Variants in SPATA16 observed in about 807,000 individuals in gnomAD.
The protein encoded by SPATA16 is spermatogenesis associated 16.
SPATA16 carries 36 observed loss-of-function variants against 63.3 expected under a neutral mutation model. The ratio of observed to expected loss-of-function variants is 0.57; its 90% CI spans 0.44 to 0.75. The LOEUF (loss-of-function observed/expected upper bound fraction) is 0.75. SPATA16 is among the 30% of genes least tolerant of loss of function. SPATA16 has a pLI of 0.00. For missense variants in SPATA16, 646 were observed against 679.3 expected, an observed-to-expected ratio of 0.95 and a Z score of 0.54; for synonymous variants, 203 against 216.7, an observed-to-expected ratio of 0.94 and a Z score of 0.56.
At chr3:172,965,555 C>G (rs957272172) in intron 5 of SPATA16, among the ~76,000 whole-genome samples, 1 of 152,080 alleles carries the variant, frequency 6.6e-6, no homozygotes, top group South Asian at 2.1e-4. Context: ...CTGGTCTTCT[C>G]TTGCCTCCCC....
At chr3:172,941,133 A>G (rs1293863711) in intron 6 of SPATA16, among the ~76,000 whole-genome samples, 1 of 152,216 alleles carries the variant, frequency 6.6e-6, no homozygotes, top group African/African-American at 2.4e-5. Context: ...GAGAATGCAG[A>G]TCTGAGAAAA....
intron 1 of SPATA16, among the ~76,000 whole-genome samples, chr3:173,131,424 A>T (rs778593764): frequency 5.9e-5 from 9 of 152,164 alleles, no homozygotes; most frequent in Non-Finnish European, 2.9e-5. Context: ...GACAGGGGCA[A>T]CTTCTAGGGG....
intron 6 of SPATA16, among the ~76,000 whole-genome samples, chr3:172,947,581 AGTG>A (rs2109612613): frequency 6.6e-6 from 1 of 152,172 alleles, no homozygotes; most frequent in South Asian, 2.1e-4. Flanking sequence ...GCTGATTAGA[AGTG>A]GAATACTATG....
chr3:173,125,273 C>T (rs1449671610), intron 1 of SPATA16, among the ~76,000 whole-genome samples: 1 of 152,168 alleles, frequency 6.6e-6, no homozygotes, highest in African/African-American at 2.4e-5. Flanking sequence ...AGGTCTGCCT[C>T]TTTCCATATG....
At chr3:173,054,722 T>A (rs900975925) in intron 2 of SPATA16, among the ~76,000 whole-genome samples, 1 of 152,042 alleles carries the variant, frequency 6.6e-6, no homozygotes, top group East Asian at 1.9e-4. Flanking sequence ...GCAACAAACC[T>A]GTACGTTCCG....
At chr3:172,998,291 G>A (rs892194736) in intron 4 of SPATA16, among the ~76,000 whole-genome samples, 2 of 151,890 alleles carry the variant, frequency 1.3e-5, no homozygotes, top group Non-Finnish European at 2.9e-5. Flanking sequence ...ATTTGTTTTG[G>A]CACTAATGTA....
intron 8 of SPATA16, 128 bp downstream of exon 8, chr3:172,924,080 A>G: frequency 2.7e-6 from 2 of 745,826 alleles, no homozygotes; most frequent in South Asian, 3.4e-5. Context: ...TGTTTTTGCA[A>G]ATGAGATTTA....
chr3:173,088,668 A>C (rs1737147889), intron 2 of SPATA16, among the ~76,000 whole-genome samples: 1 of 152,194 alleles, frequency 6.6e-6, no homozygotes, highest in Non-Finnish European at 1.5e-5. Flanking sequence ...ATTAAATTTG[A>C]AACTTACCTT....
At chr3:173,049,145 A>G in intron 2 of SPATA16, 51 bp from the exon 3 acceptor site, 2 of 1,543,256 alleles carry the variant, frequency 1.3e-6, no homozygotes, top group South Asian at 2.4e-5. Context: ...CATATAATTT[A>G]TCTTTTAAAT....
At chr3:172,916,936 T>G (rs764132516) in intron 8 of SPATA16, among the ~76,000 whole-genome samples, 5 of 152,250 alleles carry the variant, frequency 3.3e-5, no homozygotes, top group Non-Finnish European at 5.9e-5. Flanking sequence ...GTTGTATAAG[T>G]TGAATTCTGT....
chr3:172,977,413 C>T (rs1009679735), intron 4 of SPATA16, among the ~76,000 whole-genome samples: 1 of 152,104 alleles, frequency 6.6e-6, no homozygotes, highest in East Asian at 1.9e-4. Context: ...ACTTTTAGCT[C>T]TTCAAACCTA....
chr3:173,087,278 A>G (rs776717457), intron 2 of SPATA16, among the ~76,000 whole-genome samples: 3 of 152,148 alleles, frequency 2.0e-5, no homozygotes, highest in Non-Finnish European at 2.9e-5. Context: ...CATTAATGCA[A>G]TGCCCGTCTT....
chr3:173,042,906 T>A (rs1735875976), intron 3 of SPATA16, among the ~76,000 whole-genome samples: 1 of 152,178 alleles, frequency 6.6e-6, no homozygotes, highest in African/African-American at 2.4e-5. Context: ...TTAAAATTTT[T>A]GAAATTTTAA....
At chr3:173,044,235 T>A (rs1214969854) in intron 3 of SPATA16, among the ~76,000 whole-genome samples, 2 of 152,196 alleles carry the variant, frequency 1.3e-5, no homozygotes, top group Non-Finnish European at 2.9e-5. Context: ...TTCTTGTTAC[T>A]ATCCCTGAGG....
chr3:173,096,828 T>G (rs1226079713), intron 2 of SPATA16, among the ~76,000 whole-genome samples: 1 of 120,052 alleles, frequency 8.3e-6, no homozygotes, highest in African/African-American at 3.5e-5. Context: ...ACTCAAATGT[T>G]TATTAAAGGG....
At chr3:173,060,033 G>A (rs894513869) in intron 2 of SPATA16, among the ~76,000 whole-genome samples, 3 of 151,840 alleles carry the variant, frequency 2.0e-5, no homozygotes, top group Admixed American at 1.3e-4. Context: ...GAGGTGGGTG[G>A]ATCACCTGAG....
chr3:172,923,611 A>G (rs1451899109), intron 8 of SPATA16, among the ~76,000 whole-genome samples: 2 of 152,224 alleles, frequency 1.3e-5, no homozygotes, highest in African/African-American at 2.4e-5. Context: ...TTTCAGTACA[A>G]TGGCTTAAAT....
chr3:173,066,497 CA>C (rs1329378034), intron 2 of SPATA16, among the ~76,000 whole-genome samples: 4 of 152,144 alleles, frequency 2.6e-5, no homozygotes, highest in Admixed American at 2.6e-4. Context: ...GGGAAGGGAG[CA>C]AAAGACATTT....
intron 6 of SPATA16, among the ~76,000 whole-genome samples, chr3:172,948,716 C>T (rs1439147228): frequency 6.6e-6 from 1 of 152,120 alleles, no homozygotes; most frequent in Non-Finnish European, 1.5e-5. Flanking sequence ...GATTCTCCCA[C>T]CTCGGCTTCC....
Sources: allele counts gnomAD v4.1 joint callset (sites outside exome capture counted in the v4.1 genomes callset), GRCh38; gene constraint gnomAD v4.1.1; transcripts MANE v1.5; gene names NCBI Gene and HGNC (gene_info 2026-07-23, HGNC 2026-07-21).